Variants in ZMIZ1 observed in about 807,000 individuals in gnomAD.
ZMIZ1 encodes zinc finger MIZ domain-containing protein 1.
ZMIZ1 carries 17 observed loss-of-function variants against 113.9 expected under a neutral mutation model. The ratio of observed to expected loss-of-function variants is 0.15; its 90% CI spans 0.10 to 0.22. The LOEUF (loss-of-function observed/expected upper bound fraction) is 0.22. Ranked by LOEUF, ZMIZ1 falls within the 10% of genes least tolerant of loss-of-function variation. ZMIZ1 has a pLI of 1.00. For synonymous variants in ZMIZ1, 607 were observed against 603.1 expected (o/e 1.01, Z -0.09); for missense variants, 1,059 against 1,477.8 (o/e 0.72, Z 4.65).
chr10:79,312,550 A>AG, intron 24 of ZMIZ1, 92 bp from the exon 25 acceptor site: 1 of 1,358,966 alleles, frequency 7.4e-7, no homozygotes, highest in Non-Finnish European at 1.0e-6. Context: ...AGGCAGGTGG[A>AG]GGGGGACGGG....
At chr10:79,103,436 G>A (rs1843441150) in intron 1 of ZMIZ1, among the ~76,000 whole-genome samples, 1 of 152,162 alleles carries the variant, frequency 6.6e-6, no homozygotes, top group African/African-American at 2.4e-5. Context: ...CGCACGCGGG[G>A]AGGGTGAACG....
At chr10:79,240,636 A>ATTTTTTTTTTTTTTTTTTTTTT (rs1589466733) in intron 7 of ZMIZ1, among the ~76,000 whole-genome samples, 1 of 78,528 alleles carries the variant, frequency 1.3e-5, no homozygotes. Context: ...AAGAGTATTT[A>ATTTTTTTTTTTTTTTTTTTTTT]TCTTTTTTTT....
intron 7 of ZMIZ1, among the ~76,000 whole-genome samples, chr10:79,255,656 T>A (rs921388187): frequency 6.6e-6 from 1 of 152,138 alleles, no homozygotes; most frequent in Non-Finnish European, 1.5e-5. Context: ...CATTCTGAGC[T>A]CATGAGGGTG....
At chr10:79,124,811 G>T (rs1261391601) in intron 2 of ZMIZ1, among the ~76,000 whole-genome samples, 1 of 152,224 alleles carries the variant, frequency 6.6e-6, no homozygotes, top group East Asian at 1.9e-4. Flanking sequence ...AGTCCGGCTG[G>T]GGAGGAAGAT....
At position 79,312,722 on chromosome 10, in the gene ZMIZ1, C is replaced by T. The variant is rs1274244556; in HGVS notation, c.3177C>T (p.Asp1059=). 8 of 1,614,132 alleles carry T rather than the reference C, an allele frequency of 5.0e-6. No homozygotes were observed. The Admixed American group carries it at 6.7e-5, about 13-fold the overall frequency. ...ACCTGCCGAGCAATAGTAACGATGACCTCCTGTCTCTATTTGAGAACAACT... is the reference window on the plus strand; with the variant it reads ...ACCTGCCGAGCAATAGTAACGATGATCTCCTGTCTCTATTTGAGAACAACT... ...PPDLPSNSND[D]LLSLFENN The change falls in exon 25 of 25, where the codon GAC becomes GAT. Residue 1059 remains aspartate (D), a synonymous_variant. Transcript: ENST00000334512.
intron 4 of ZMIZ1, among the ~76,000 whole-genome samples, chr10:79,174,132 T>C (rs1846719024): frequency 1.3e-5 from 2 of 152,202 alleles, no homozygotes; most frequent in Admixed American, 6.5e-5. Flanking sequence ...CCCACTGGGA[T>C]TGCTGAAGCG....
intron 3 of ZMIZ1, among the ~76,000 whole-genome samples, chr10:79,148,204 T>G (rs1009191715): frequency 3.3e-5 from 5 of 152,206 alleles, no homozygotes; most frequent in African/African-American, 1.2e-4. Flanking sequence ...CCACAAAAGA[T>G]ACATCCCTCA....
chr10:79,157,328 C>T (rs1845936127), intron 3 of ZMIZ1, among the ~76,000 whole-genome samples: 1 of 151,574 alleles, frequency 6.6e-6, no homozygotes, highest in South Asian at 2.1e-4. Context: ...GAATCTACCA[C>T]GTTTGAGCAG....
intron 7 of ZMIZ1, among the ~76,000 whole-genome samples, chr10:79,223,473 G>T (rs1370790994): frequency 6.6e-6 from 1 of 152,192 alleles, no homozygotes; most frequent in South Asian, 2.1e-4. Flanking sequence ...TCCTCCTGCT[G>T]GGCTGTCTCC....
chr10:79,250,312 T>G (rs936575747), intron 7 of ZMIZ1, among the ~76,000 whole-genome samples: 6 of 152,226 alleles, frequency 3.9e-5, no homozygotes, highest in African/African-American at 1.4e-4. Flanking sequence ...GCTGGAGACC[T>G]TGCTGTGCCC....
chr10:79,093,482 A>G (rs1417612002), intron 1 of ZMIZ1, among the ~76,000 whole-genome samples: 1 of 151,870 alleles, frequency 6.6e-6, no homozygotes, highest in East Asian at 1.9e-4. Flanking sequence ...GCCTGCCACC[A>G]TGCCTGGGTA....
chr10:79,162,290 T>C (rs553987572), intron 4 of ZMIZ1, among the ~76,000 whole-genome samples, 157 bp downstream of exon 4: 1 of 152,336 alleles, frequency 6.6e-6, no homozygotes, highest in Non-Finnish European at 1.5e-5. Context: ...GACCTCATCA[T>C]GCCCCCAATG....
At chr10:79,279,179 CA>C (rs1486668976) in intron 8 of ZMIZ1, among the ~76,000 whole-genome samples, 3 of 151,508 alleles carry the variant, frequency 2.0e-5, no homozygotes, top group Non-Finnish European at 4.4e-5. Flanking sequence ...GGGCAGCTGC[CA>C]GGGGGAGGGG....
At chr10:79,194,259 C>T (rs1291335865) in intron 4 of ZMIZ1, among the ~76,000 whole-genome samples, 1 of 152,258 alleles carries the variant, frequency 6.6e-6, no homozygotes, top group African/African-American at 2.4e-5. Context: ...TCTGTGTTGG[C>T]ATCCAGCATG....
chr10:79,213,606 G>A (rs1188504563), intron 6 of ZMIZ1, among the ~76,000 whole-genome samples: 1 of 152,210 alleles, frequency 6.6e-6, no homozygotes, highest in Non-Finnish European at 1.5e-5. Flanking sequence ...TTTAACTAGA[G>A]CAACAGGATT....
chr10:79,135,052 A>G (rs1012138316), intron 2 of ZMIZ1, among the ~76,000 whole-genome samples: 12 of 152,268 alleles, frequency 7.9e-5, no homozygotes, highest in Non-Finnish European at 1.5e-4. Flanking sequence ...TCCTGACCTC[A>G]GGTGATCTGC....
intron 7 of ZMIZ1, among the ~76,000 whole-genome samples, chr10:79,256,780 G>C (rs543822996): frequency 6.6e-6 from 1 of 152,358 alleles, no homozygotes; most frequent in African/African-American, 2.4e-5. Context: ...GACACAGTCA[G>C]ATCCCCTCAC....
chr10:79,291,115 T>C lies in ZMIZ1; in HGVS notation c.697T>C (p.Tyr233His), dbSNP rs751528155. 1.2e-6 allele frequency: 2 copies of C among 1,614,028 alleles called. No individual in the cohort carries two copies. Among genetic ancestry groups the C allele is most frequent in the Non-Finnish European group, 1.7e-6 (2 of 1,180,036 alleles). Residue 233 changes from tyrosine to histidine, a missense_variant, in exon 10 of 25, where the codon TAC becomes CAC. Transcript: ENST00000334512. ...AGCCAAGGCTGGCCCCGCTCAGCCC[T>C]ACATCCAGCAGAGCATGTATGGCCG... is the stretch of plus-strand genomic sequence containing the variant. ...FSAKAGPAQP[Y>H]IQQSMYGRPN... is the part of the protein sequence containing the mutation.
chr10:79,104,998 A>G (rs1326784335), intron 1 of ZMIZ1, among the ~76,000 whole-genome samples: 1 of 130,816 alleles, frequency 7.6e-6, no homozygotes, highest in African/African-American at 2.8e-5. Flanking sequence ...TGTGTGTCTT[A>G]ACTGCCATGG....
Sources: gnomAD v4.1 joint callset for allele counts (sites outside exome capture counted in the v4.1 genomes callset) on GRCh38, gnomAD v4.1.1 for gene constraint, MANE v1.5 for transcripts, NCBI Gene and HGNC (gene_info 2026-07-23, HGNC 2026-07-21) for gene names.